The following ZNF236 variants were observed in gnomAD, a reference collection of about 807,000 sequenced individuals.
ZNF236 encodes the protein zinc finger protein 236.
ZNF236 carries 50 observed loss-of-function variants against 191.2 expected under a neutral mutation model. That is an observed-to-expected ratio of 0.26 (90% confidence interval 0.21 to 0.33). The LOEUF (loss-of-function observed/expected upper bound fraction) is 0.33, where lower values mean the gene tolerates loss of function less well. Ranked by LOEUF, ZNF236 falls within the 10% of genes least tolerant of loss-of-function variation. The pLI is 1.00. For missense variants in ZNF236, 1,754 were observed against 2,374.5 expected, an observed-to-expected ratio of 0.74 and a Z score of 5.43; for synonymous variants, 907 against 928.8, an observed-to-expected ratio of 0.98 and a Z score of 0.43.
intron 2 of ZNF236, among the ~76,000 whole-genome samples, chr18:76,850,420 A>G (rs1676501908): frequency 6.6e-6 from 1 of 152,150 alleles, no homozygotes; most frequent in Non-Finnish European, 1.5e-5. Flanking sequence ...TTATTTTCTC[A>G]GGTTCGACAA....
At chr18:76,859,502 G>A (rs567719110) in intron 3 of ZNF236, among the ~76,000 whole-genome samples, 3 of 152,082 alleles carry the variant, frequency 2.0e-5, no homozygotes, top group Non-Finnish European at 2.9e-5. Context: ...GGGTGTGTTG[G>A]GTACTGCACA....
At chr18:76,908,253 G>A in intron 13 of ZNF236, 67 bp from the exon 14 acceptor site, 1 of 1,540,462 alleles carries the variant, frequency 6.5e-7, no homozygotes, top group Non-Finnish European at 8.8e-7. Flanking sequence ...CTCTTTCACT[G>A]TAGTATCCCA....
At chr18:76,895,819 C>T (rs1977388571) in intron 10 of ZNF236, among the ~76,000 whole-genome samples, 1 of 150,926 alleles carries the variant, frequency 6.6e-6, no homozygotes, top group South Asian at 2.1e-4. Context: ...ACAGGTACTA[C>T]TGCTCACAAA....
chr18:76,830,123 C>T (rs1975125988), intron 1 of ZNF236, among the ~76,000 whole-genome samples: 1 of 152,176 alleles, frequency 6.6e-6, no homozygotes, highest in Admixed American at 6.5e-5. Context: ...CCCACCTCGG[C>T]CTCCCAAAGT....
At chr18:76,882,107 T>A (rs542957902) in intron 9 of ZNF236, among the ~76,000 whole-genome samples, 4 of 152,346 alleles carry the variant, frequency 2.6e-5, no homozygotes, top group African/African-American at 9.6e-5. Context: ...GACATCATAC[T>A]GAAACTGGAT....
intron 1 of ZNF236, among the ~76,000 whole-genome samples, chr18:76,845,848 TAAAAA>T (rs146207394): frequency 3.5e-4 from 50 of 142,712 alleles, no homozygotes; most frequent in Non-Finnish European, 6.3e-4. Context: ...GACTCCATCT[TAAAAA>T]AAAAAAAAAA....
At chr18:76,870,960 C>T (rs1976567621) in intron 4 of ZNF236, among the ~76,000 whole-genome samples, 1 of 152,100 alleles carries the variant, frequency 6.6e-6, no homozygotes, top group South Asian at 2.1e-4. Flanking sequence ...GGGCAGGTGT[C>T]AAAAGCAGGG....
At position 76,875,282 on chromosome 18, in the gene ZNF236, C is replaced by T. The variant is rs1976681694; in HGVS notation, c.668-210C>T. Among the ~76,000 whole-genome samples the T allele has an allele frequency of 6.6e-6, 1 of 152,110 alleles. No individual in the cohort carries two copies. The highest frequency in any genetic ancestry group is 2.4e-5 in the African/African-American group (1 of 41,436). ...GGATGGCATTGCCTGGGGAAGCCCA[C>T]AGGTGGAGCAGTTTGCGAGATGGTC... is the stretch of plus-strand genomic sequence containing the variant. On this transcript the variant is annotated intron_variant, in intron 5 of 30. Transcript: ENST00000320610. This position sits in a 1 kb window ranked among gnomAD's most constrained non-coding sequence, Gnocchi z 4.3.
chr18:76,899,007 C>A lies in ZNF236; in HGVS notation c.1691-12C>A. 1 of 1,602,282 alleles carries A rather than the reference C, an allele frequency of 6.2e-7. No homozygotes were observed. The highest frequency in any genetic ancestry group is 1.1e-5 in the South Asian group (1 of 90,206). On this transcript the variant is annotated splice_polypyrimidine_tract_variant and intron_variant, in intron 10 of 30. Coordinates refer to ENST00000320610, the MANE Select transcript of ZNF236 (RefSeq NM_001306089.2). ...TGGAAATAATTCTAAAATGTGATTT[C>A]ATTTTTATTAGGAGTTAGACCTTTT...
chr18:76,946,079 T>G (rs1968253379), intron 26 of ZNF236, among the ~76,000 whole-genome samples: 1 of 152,226 alleles, frequency 6.6e-6, no homozygotes, highest in South Asian at 2.1e-4. Flanking sequence ...CCACTGTGTC[T>G]GATATAGTTT....
intron 2 of ZNF236, among the ~76,000 whole-genome samples, chr18:76,850,748 A>G (rs1299275215): frequency 6.6e-6 from 1 of 151,810 alleles, no homozygotes; most frequent in Non-Finnish European, 1.5e-5. Context: ...GATTACAGGC[A>G]TGCACCACCA....
At chr18:76,874,355 AG>A (rs955211787) in intron 5 of ZNF236, among the ~76,000 whole-genome samples, 5 of 152,132 alleles carry the variant, frequency 3.3e-5, no homozygotes, top group African/African-American at 1.2e-4. Flanking sequence ...AAATTTAGTA[AG>A]ACTAGAAATT....
At chr18:76,828,168 CTT>C (rs940904936) in intron 1 of ZNF236, among the ~76,000 whole-genome samples, 216 of 138,728 alleles carry the variant, frequency 1.6e-3, no homozygotes, top group Middle Eastern at 3.6e-3. Context: ...TAGGGCTTTA[CTT>C]TTTTTTTTTT....
At chr18:76,895,537 C>T (rs1977379387) in intron 10 of ZNF236, among the ~76,000 whole-genome samples, 1 of 150,794 alleles carries the variant, frequency 6.6e-6, no homozygotes, top group South Asian at 2.1e-4. Context: ...ACACAGTACC[C>T]AACACAGCAA....
intron 3 of ZNF236, among the ~76,000 whole-genome samples, chr18:76,853,937 G>A (rs1050497136): frequency 9.2e-5 from 14 of 151,940 alleles, no homozygotes; most frequent in African/African-American, 3.4e-4. Context: ...TTGAACCCAG[G>A]AGGTGGAGGT....
At position 76,904,468 on chromosome 18, in the gene ZNF236, T is replaced by C. The variant is rs1458602076; in HGVS notation, c.1983T>C (p.Cys661=). The stretch of plus-strand genomic sequence containing the variant: ...ATGAAGCAGATAGACCATACAAGTG[T>C]TTTTACTGTCATCGTGCATATAAAA... ...FVNEADRPYK[C]FYCHRAYKKS... The change falls in exon 12 of 31, where the codon TGT becomes TGC. Residue 661 remains cysteine, a synonymous_variant. Coordinates refer to ENST00000320610, the MANE Select transcript of ZNF236 (RefSeq NM_001306089.2). 6.2e-7 allele frequency: 1 copy of C among 1,610,858 alleles called. No individual in the cohort carries two copies. The highest frequency in any genetic ancestry group is 1.3e-5 in the African/African-American group (1 of 74,722).
intron 13 of ZNF236, among the ~76,000 whole-genome samples, chr18:76,907,857 G>T (rs543008467): frequency 3.9e-5 from 6 of 152,240 alleles, no homozygotes; most frequent in Middle Eastern, 3.4e-3. Flanking sequence ...AGGGCCTGAG[G>T]CCCAGGCTGT....
Position 76,875,784 on chromosome 18 carries a change from G to A in ZNF236, c.840+120G>A. ...AAAAAATGCAGATTGATTTTGTGCCGAGCAGACCCTGTTTTAAAAAATACA... is the reference window on the plus strand; with the variant it reads ...AAAAAATGCAGATTGATTTTGTGCCAAGCAGACCCTGTTTTAAAAAATACA... On this transcript the variant is annotated intron_variant, in intron 6 of 30. Transcript: ENST00000320610. This position sits in a 1 kb window ranked among gnomAD's most constrained non-coding sequence, Gnocchi z 4.3. The A allele has an allele frequency of 9.0e-7, 1 of 1,108,640 alleles. No individual in the cohort carries two copies. The highest frequency in any genetic ancestry group is 1.2e-6 in the Non-Finnish European group (1 of 852,622). 68.7% of individuals were successfully genotyped at this position (1,108,640 alleles called of 1,614,324 possible).
intron 28 of ZNF236, among the ~76,000 whole-genome samples, chr18:76,959,373 A>C (rs917452215): frequency 3.3e-5 from 5 of 152,180 alleles, no homozygotes; most frequent in African/African-American, 1.2e-4. Flanking sequence ...GGCTCATGGC[A>C]TGACGCCCTT....
Sources: allele counts gnomAD v4.1 joint callset (sites outside exome capture counted in the v4.1 genomes callset), GRCh38; gene constraint gnomAD v4.1.1; non-coding constraint Gnocchi (gnomAD v3.1); transcripts MANE v1.5; gene names NCBI Gene and HGNC (gene_info 2026-07-23, HGNC 2026-07-21).